Variants in KCNJ6 observed in about 807,000 individuals in gnomAD.
KCNJ6 encodes G protein-activated inward rectifier potassium channel 2.
Under a neutral mutation model 34.2 loss-of-function variants are expected in KCNJ6, and 9 were observed. The ratio of observed to expected loss-of-function variants is 0.26; its 90% confidence interval spans 0.16 to 0.46. The LOEUF is 0.46. KCNJ6 is among the 20% of genes least tolerant of loss of function. The probability of loss-of-function intolerance (pLI) is 1.00; values close to 1 mark genes in which losing one functional copy is unlikely to be tolerated. For missense variants in KCNJ6, 236 were observed against 531.3 expected (o/e 0.44, Z 5.46); for synonymous variants, 196 against 207.1 (o/e 0.95, Z 0.46).
At chr21:37,761,737 G>C (rs551529781) in intron 2 of KCNJ6, among the ~76,000 whole-genome samples, 1 of 150,772 alleles carries the variant, frequency 6.6e-6, no homozygotes, top group South Asian at 2.1e-4. Context: ...GGTGTGTGTC[G>C]TGTGTGTGGT....
chr21:37,653,360 A>G (rs1316917415), intron 3 of KCNJ6, among the ~76,000 whole-genome samples: 1 of 152,164 alleles, frequency 6.6e-6, no homozygotes, highest in African/African-American at 2.4e-5. Flanking sequence ...TGAAGTTGAC[A>G]CGTGAACTAG....
At chr21:37,671,912 C>T (rs2054543971) in intron 3 of KCNJ6, among the ~76,000 whole-genome samples, 1 of 152,070 alleles carries the variant, frequency 6.6e-6, no homozygotes, top group East Asian at 1.9e-4. Flanking sequence ...ATCTTGTACT[C>T]TACAACTTTT....
intron 3 of KCNJ6, among the ~76,000 whole-genome samples, chr21:37,627,545 G>C (rs941303979): frequency 2.0e-5 from 3 of 152,174 alleles, no homozygotes; most frequent in South Asian, 2.1e-4. Context: ...TTCCACCAAG[G>C]AAGTACATGT....
At chr21:37,824,307 G>A (rs1349807691) in intron 2 of KCNJ6, among the ~76,000 whole-genome samples, 1 of 152,106 alleles carries the variant, frequency 6.6e-6, no homozygotes, top group Non-Finnish European at 1.5e-5. Context: ...ATGACTGTTA[G>A]ACAAACACAA....
intron 1 of KCNJ6, among the ~76,000 whole-genome samples, chr21:37,881,028 G>A (rs1340117949): frequency 1.3e-5 from 2 of 152,222 alleles, no homozygotes; most frequent in Non-Finnish European, 2.9e-5. Context: ...GGCAACTCAA[G>A]TCAAGACTGC....
intron 3 of KCNJ6, among the ~76,000 whole-genome samples, chr21:37,698,737 C>T (rs867260637): frequency 6.6e-6 from 1 of 151,184 alleles, no homozygotes; most frequent in African/African-American, 2.4e-5. Context: ...TGCTCTGTCA[C>T]CCAGGATGGA....
chr21:37,843,390 A>G (rs533368884), intron 1 of KCNJ6, among the ~76,000 whole-genome samples: 9 of 152,188 alleles, frequency 5.9e-5, no homozygotes, highest in Admixed American at 3.3e-4. Context: ...AGACTGACTC[A>G]TCTATATCAT....
chr21:37,635,955 C>T (rs1420688956), intron 3 of KCNJ6, among the ~76,000 whole-genome samples: 2 of 152,174 alleles, frequency 1.3e-5, no homozygotes, highest in Non-Finnish European at 2.9e-5. Context: ...TGTAATTATT[C>T]ATGCAAAGGT....
chr21:37,819,116 G>C (rs938016684), intron 2 of KCNJ6, among the ~76,000 whole-genome samples: 5 of 152,122 alleles, frequency 3.3e-5, no homozygotes, highest in African/African-American at 1.2e-4. Context: ...CTGGATATTG[G>C]CCTTGGGTAG....
intron 3 of KCNJ6, among the ~76,000 whole-genome samples, chr21:37,685,016 G>T (rs2054606928): frequency 6.6e-6 from 1 of 152,010 alleles, no homozygotes; most frequent in African/African-American, 2.4e-5. Context: ...GACTATGAAA[G>T]ATATCTGCAA....
chr21:37,910,454 G>T (rs2055861989), intron 1 of KCNJ6, among the ~76,000 whole-genome samples: 1 of 152,278 alleles, frequency 6.6e-6, no homozygotes, highest in African/African-American at 2.4e-5. Flanking sequence ...ACTGCCACAG[G>T]ATTTAAACTT....
intron 3 of KCNJ6, among the ~76,000 whole-genome samples, chr21:37,677,877 C>T (rs1285371795): frequency 6.6e-6 from 1 of 151,470 alleles, no homozygotes; most frequent in Non-Finnish European, 1.5e-5. Flanking sequence ...ATCAACACAC[C>T]CTTCTGTTCA....
chr21:37,692,332 T>C (rs1046923068), intron 3 of KCNJ6, among the ~76,000 whole-genome samples: 2 of 152,206 alleles, frequency 1.3e-5, no homozygotes, highest in African/African-American at 4.8e-5. Flanking sequence ...TGCATTTTTT[T>C]TTTCCTTCAG....
intron 3 of KCNJ6, among the ~76,000 whole-genome samples, chr21:37,679,781 T>C (rs965350709): frequency 1.3e-5 from 2 of 152,242 alleles, no homozygotes; most frequent in African/African-American, 4.8e-5. Flanking sequence ...TGTTTATCTC[T>C]CTAAATCCTC....
At chr21:37,654,137 C>T (rs2054446668) in intron 3 of KCNJ6, among the ~76,000 whole-genome samples, 1 of 127,698 alleles carries the variant, frequency 7.8e-6, no homozygotes, top group Non-Finnish European at 1.6e-5. Context: ...GGTGTGTGAG[C>T]ATTAGGGATC....
intron 1 of KCNJ6, among the ~76,000 whole-genome samples, chr21:37,856,864 C>T (rs1333154160): frequency 1.3e-5 from 2 of 152,128 alleles, no homozygotes; most frequent in African/African-American, 4.8e-5. Context: ...ATTGACCTGG[C>T]TGGATGTACC....
chr21:37,617,788 C>T lies in KCNJ6; in HGVS notation c.*7371G>A, dbSNP rs895018568. The T allele has an allele frequency of 6.6e-6, 1 of 152,246 alleles. No homozygotes were observed. Among genetic ancestry groups the T allele is most frequent in the Non-Finnish European group, 1.5e-5 (1 of 68,046 alleles). The allele number at this position is 152,246 out of a possible 1,614,324, so 9.4% of individuals were successfully genotyped here. On this transcript the variant is annotated 3_prime_UTR_variant, in exon 4 of 4. Coordinates refer to ENST00000609713, the MANE Select transcript of KCNJ6 (RefSeq NM_002240.5). ...CAGAACTTTTGGGGATTTCCTTACC[C>T]TGACTCCATTTATTTTACTTGGACT...
At chr21:37,896,838 A>G (rs1294354989) in intron 1 of KCNJ6, among the ~76,000 whole-genome samples, 1 of 152,176 alleles carries the variant, frequency 6.6e-6, no homozygotes, top group Non-Finnish European at 1.5e-5. Context: ...ACACACCTCC[A>G]CCAAAAACAG....
At chr21:37,910,253 A>G (rs929614768) in intron 1 of KCNJ6, among the ~76,000 whole-genome samples, 1 of 152,184 alleles carries the variant, frequency 6.6e-6, no homozygotes, top group Admixed American at 6.5e-5. Flanking sequence ...CTAGACCTTG[A>G]TGCAGATTCA....
Sources: gnomAD v4.1 joint callset for allele counts (sites outside exome capture counted in the v4.1 genomes callset) on GRCh38, gnomAD v4.1.1 for gene constraint, MANE v1.5 for transcripts, NCBI Gene and HGNC (gene_info 2026-07-23, HGNC 2026-07-21) for gene names.